The following TP73 variants were observed in gnomAD, a reference collection of about 807,000 sequenced individuals.
The protein encoded by TP73 is p53-like transcription factor.
Under a neutral mutation model 62.5 loss-of-function variants are expected in TP73, and 25 were observed. That is an observed-to-expected ratio of 0.40 (90% CI 0.29 to 0.56). The LOEUF is 0.56. Among genes scored for constraint, TP73 ranks in the 20% least tolerant of loss-of-function variants. The pLI is 0.46. For missense variants in TP73, 754 were observed against 913.3 expected, an observed-to-expected ratio of 0.83 and a Z score of 2.25; for synonymous variants, 423 against 377.5, an observed-to-expected ratio of 1.12 and a Z score of -1.40.
intron 1 of TP73, among the ~76,000 whole-genome samples, chr1:3,664,682 C>G (rs1333489745): frequency 6.6e-6 from 1 of 152,128 alleles, no homozygotes; most frequent in African/African-American, 2.4e-5. Context: ...CGGGGAGCAG[C>G]CTTGCTTCAG....
intron 1 of TP73, among the ~76,000 whole-genome samples, chr1:3,678,955 C>T (rs1645440418): frequency 6.6e-6 from 1 of 152,188 alleles, no homozygotes; most frequent in Admixed American, 6.5e-5. Context: ...CCCTTTCCCA[C>T]CCCACATGCT....
intron 1 of TP73, among the ~76,000 whole-genome samples, chr1:3,675,742 C>T (rs913885362): frequency 2.0e-5 from 3 of 151,992 alleles, no homozygotes; most frequent in Admixed American, 6.5e-5. Context: ...TGGGCTCAGT[C>T]GGGGTGGAGT....
chr1:3,687,419 G>A (rs1327855223), intron 3 of TP73, among the ~76,000 whole-genome samples: 2 of 152,222 alleles, frequency 1.3e-5, no homozygotes, highest in African/African-American at 4.8e-5. Flanking sequence ...CTCGCAGGCT[G>A]CGAGGAGGCA....
intron 10 of TP73, chr1:3,729,701 T>C (rs956885635): frequency 7.5e-6 from 6 of 799,876 alleles, no homozygotes; most frequent in South Asian, 1.5e-5. Flanking sequence ...GTCTGCTGAG[T>C]GGAAAGGCCA....
Position 3,701,260 on chromosome 1 carries a change from G to A in TP73, c.187-6289G>A, listed in dbSNP as rs72846527. Reference sequence around the variant, plus strand: ...TCCGTCCCTGTGCCCAGGGCTTAGCGACTGTCCTCTGCGTAGTGAATCTGG... The same window carrying A: ...TCCGTCCCTGTGCCCAGGGCTTAGCAACTGTCCTCTGCGTAGTGAATCTGG... On this transcript the variant is annotated intron_variant, in intron 3 of 13. Coordinates refer to ENST00000378295, the MANE Select transcript of TP73 (RefSeq NM_005427.4). The surrounding 1 kb of genome is among the most constrained non-coding windows in gnomAD (Gnocchi z 4.7). 5.9e-3 allele frequency among the ~76,000 whole-genome samples: 900 copies of A among 152,080 alleles called. 5 individuals carry two copies. The highest frequency in any genetic ancestry group is 0.02 in the African/African-American group (845 of 41,476).
chr1:3,655,212 T>C (rs1557475305), intron 1 of TP73, among the ~76,000 whole-genome samples: 1 of 151,982 alleles, frequency 6.6e-6, no homozygotes, highest in Non-Finnish European at 1.5e-5. Flanking sequence ...AATGGTGAAA[T>C]CTTGTCCCCA....
rs1419030557 is a variant in TP73 at position 3,727,243 on chromosome 1, G to C, written c.842+19G>C. ...TGCGGGAGTGAGTCCCGGGCACACG[G>C]GGTGGAGGTGGGACAGGGCTGGGCA... On this transcript the variant is annotated intron_variant, in intron 7 of 13. Coordinates refer to ENST00000378295, the MANE Select transcript of TP73 (RefSeq NM_005427.4). The C allele has an allele frequency of 8.7e-6, 14 of 1,606,274 alleles. 1 individual carries two copies. The South Asian group carries it at 1.5e-4, about 18-fold the overall frequency.
chr1:3,705,566 C>T (rs549772664), intron 3 of TP73, among the ~76,000 whole-genome samples: 25 of 152,362 alleles, frequency 1.6e-4, no homozygotes, highest in African/African-American at 4.8e-4. Context: ...GGGCACGGGT[C>T]GCCCCTGACG....
At chr1:3,683,820 GT>G (rs1426050069) in intron 3 of TP73, among the ~76,000 whole-genome samples, 2 of 152,216 alleles carry the variant, frequency 1.3e-5, no homozygotes. Flanking sequence ...GTGGAACAGG[GT>G]GACAATGGAA....
chr1:3,695,582 G>A (rs1024389155), intron 3 of TP73, among the ~76,000 whole-genome samples: 12 of 152,246 alleles, frequency 7.9e-5, no homozygotes, highest in African/African-American at 2.2e-4. Context: ...ACTCCCGTGC[G>A]CCCCATGGAG....
chr1:3,657,489 C>A (rs1018140813), intron 1 of TP73, among the ~76,000 whole-genome samples: 2 of 152,238 alleles, frequency 1.3e-5, no homozygotes, highest in Non-Finnish European at 2.9e-5. Flanking sequence ...CTGCAAAGAC[C>A]CTGATTCCAA....
Position 3,730,139 on chromosome 1 carries a change from G to A in TP73, c.1336G>A (p.Gly446Arg). The change falls in exon 11 of 14, where the codon GGG becomes AGG. Residue 446 changes from glycine to arginine, a missense_variant. By Grantham distance (125) the Gly-to-Arg change is moderately radical. Around this residue, in one of 3 missense-constraint regions of TP73, gnomAD observed 458 missense variants for 528.7 expected, o/e 0.87. Transcript: ENST00000378295. ...PHSSAATPNLGPVGPGMLNNH... is the reference protein window; with the variant it reads ...PHSSAATPNLRPVGPGMLNNH... Reference sequence around the variant, plus strand: ...CAGTTCGGCAGCTACACCCAACCTGGGGCCCGTGGGTGAGTCCCTTGGGCA... The same window carrying A: ...CAGTTCGGCAGCTACACCCAACCTGAGGCCCGTGGGTGAGTCCCTTGGGCA... The A allele has an allele frequency of 6.4e-7, 1 of 1,554,242 alleles. No homozygotes were observed. Among genetic ancestry groups the A allele is most frequent in the Non-Finnish European group, 8.7e-7 (1 of 1,148,234 alleles).
chr1:3,711,475 C>T (rs1044911537), intron 4 of TP73, among the ~76,000 whole-genome samples: 4 of 152,240 alleles, frequency 2.6e-5, no homozygotes, highest in Non-Finnish European at 5.9e-5. Flanking sequence ...CAGAACAGCC[C>T]GACGCGATGG....
chr1:3,715,138 A>G (rs1640485822), intron 4 of TP73, among the ~76,000 whole-genome samples: 2 of 152,212 alleles, frequency 1.3e-5, no homozygotes, highest in South Asian at 2.1e-4. Context: ...CTCAGTCTCT[A>G]TTGTCCATGG....
chr1:3,718,648 G>A (rs1640813652), intron 4 of TP73, among the ~76,000 whole-genome samples: 1 of 152,132 alleles, frequency 6.6e-6, no homozygotes, highest in Admixed American at 6.5e-5. Context: ...ACGGCTGCCG[G>A]GGCCTCTGCC....
chr1:3,688,993 C>G (rs914478386), intron 3 of TP73, among the ~76,000 whole-genome samples: 3 of 152,182 alleles, frequency 2.0e-5, no homozygotes, highest in South Asian at 4.1e-4. Flanking sequence ...GAGAGGACAC[C>G]GCCTACAGAG....
rs576419170 is a variant in TP73, at chr1:3,662,815, G to A, written c.-34+10174G>A. Among the ~76,000 whole-genome samples the A allele has an allele frequency of 6.6e-6, 1 of 152,310 alleles. No homozygotes were observed. Among genetic ancestry groups the A allele is most frequent in the East Asian group, 1.9e-4 (1 of 5,162 alleles). On this transcript the variant is annotated intron_variant, in intron 1 of 13. Coordinates refer to ENST00000378295, the MANE Select transcript of TP73 (RefSeq NM_005427.4). The surrounding 1 kb of genome is among the most constrained non-coding windows in gnomAD (Gnocchi z 4.4). ...TGGAGATGGAATCAGCTCCCCACCA[G>A]GCCCCAGGACAGACCTGGCTGGGGA...
At chr1:3,690,542 C>T (rs1645788159) in intron 3 of TP73, 2 of 967,650 alleles carry the variant, frequency 2.1e-6, no homozygotes, top group Non-Finnish European at 2.6e-6. Context: ...CCGGCGCTGA[C>T]CGGCGTCCCC....
chr1:3,729,859 G>C (rs1339412020), intron 10 of TP73, 141 bp from the exon 11 acceptor site: 1 of 1,238,100 alleles, frequency 8.1e-7, no homozygotes, highest in Non-Finnish European at 1.1e-6. Context: ...GTTGGGGACA[G>C]GGAGGCTGGG....
Sources: gnomAD v4.1 joint callset for allele counts (sites outside exome capture counted in the v4.1 genomes callset) on GRCh38, gnomAD v4.1.1 for gene constraint, gnomAD v4.1.1 regional missense constraint, Gnocchi (gnomAD v3.1) non-coding constraint, MANE v1.5 for transcripts, NCBI Gene and HGNC (gene_info 2026-07-23, HGNC 2026-07-21) for gene names.